Variants in PREPL observed in about 807,000 individuals in gnomAD.
The protein encoded by PREPL is prolyl endopeptidase like, also known as prolyl endopeptidase-like.
A neutral mutation model predicts 70.6 loss-of-function variants in PREPL; 77 were observed. The ratio of observed to expected loss-of-function variants is 1.09; its 90% confidence interval spans 0.91 to 1.32. PREPL has a LOEUF of 1.32. Among genes scored for constraint, PREPL ranks in the 40% most tolerant of loss-of-function variants. The pLI is 0.00. For missense variants in PREPL, 1,002 were observed against 778.2 expected, an observed-to-expected ratio of 1.29 and a Z score of -3.42; for synonymous variants, 315 against 264.8, an observed-to-expected ratio of 1.19 and a Z score of -1.84.
In PREPL at chr2:44,317,900, AAC is replaced by A. The variant is rs1391030317; in HGVS notation, c.*3454_*3455del. 5.3e-5 allele frequency: 12 copies of A among 226,408 alleles called. No homozygotes were observed. The highest frequency in any genetic ancestry group is 9.0e-5 in the Non-Finnish European group (10 of 110,718). The allele number at this position is 226,408 out of a possible 1,614,324, so 14.0% of individuals were successfully genotyped here. Reference sequence around the variant, plus strand: ...AAGATAAAACCACTCAGATAACAAAAACAGACATAAGAAACACTAACATAAAA... The same window carrying A: ...AAGATAAAACCACTCAGATAACAAAAAGACATAAGAAACACTAACATAAAA... On this transcript the variant is annotated 3_prime_UTR_variant, in exon 14 of 14. Coordinates refer to ENST00000409411, the MANE Select transcript of PREPL (RefSeq NM_001171613.2).
At chr2:44,321,601 C>T (rs1295113423) in intron 13 of PREPL, 156 bp from the exon 14 acceptor site, 1 of 1,482,446 alleles carries the variant, frequency 6.7e-7, no homozygotes, top group Non-Finnish European at 8.9e-7. Flanking sequence ...AGGCTTCCAA[C>T]AATTAAGATT....
chr2:44,338,111 A>G (rs560691154), intron 7 of PREPL, among the ~76,000 whole-genome samples: 2 of 152,312 alleles, frequency 1.3e-5, no homozygotes, highest in African/African-American at 4.8e-5. Context: ...ACTCAACTCT[A>G]CTTGTGAAGT....
At chr2:44,343,675 G>A (rs1241772067) in intron 4 of PREPL, 70 bp downstream of exon 4, 28 of 1,434,864 alleles carry the variant, frequency 2.0e-5, no homozygotes, top group Non-Finnish European at 2.4e-5. Flanking sequence ...CCTCACATGC[G>A]ACAAAAAAAT....
In PREPL at chr2:44,320,563, C is replaced by A; in HGVS notation, c.*793G>T. 1 of 1,614,040 alleles carries A rather than the reference C, an allele frequency of 6.2e-7. No homozygotes were observed. The stretch of plus-strand genomic sequence containing the variant: ...AAGAATCTCCTTCATCGCCAAACAG[C>A]TTTCAGAGATAGATGCTTTGTTTCC... On this transcript the variant is annotated 3_prime_UTR_variant, in exon 14 of 14. Coordinates refer to ENST00000409411, the MANE Select transcript of PREPL (RefSeq NM_001171613.2).
At chr2:44,344,661 GATGAA>G (rs1675590634) in intron 2 of PREPL, 75 bp from the exon 3 acceptor site, 9 of 1,140,414 alleles carry the variant, frequency 7.9e-6, no homozygotes, top group South Asian at 1.6e-5. Flanking sequence ...TCAAGATGAA[GATGAA>G]ATGAAGACTC....
intron 6 of PREPL, 139 bp from the exon 7 acceptor site, chr2:44,338,675 G>A: frequency 1.4e-6 from 1 of 727,188 alleles, no homozygotes; most frequent in Non-Finnish European, 2.2e-6. Flanking sequence ...CTGCATCAGG[G>A]ATAAAGTGTG....
chr2:44,332,561 A>G lies in PREPL; in HGVS notation c.984T>C (p.Tyr328=), dbSNP rs1674229116. 2 of 1,613,824 alleles carry G rather than the reference A, an allele frequency of 1.2e-6. No homozygotes were observed. Among genetic ancestry groups the G allele is most frequent in the Non-Finnish European group, 1.7e-6 (2 of 1,179,716 alleles). The change falls in exon 8 of 14, where the codon TAT becomes TAC. Residue 328 remains tyrosine, a synonymous_variant. Transcript: ENST00000409411. ...QLCSPIRPPK[Y]YTYKFAEGKL... Reference sequence around the variant, plus strand: ...TGCCTTCTGCAAACTTGTATGTGTAATATTTTGGGGGACGTATTGGAGAGC... The same window carrying G: ...TGCCTTCTGCAAACTTGTATGTGTAGTATTTTGGGGGACGTATTGGAGAGC...
rs569343170 is a variant in PREPL at position 44,329,213 on chromosome 2, G to A, written c.1087-101C>T. ...TGAGGTGCACTGTCCCCACTTGTGTGCTACCTACTGATGTTGAGCACAAAT... is the reference window on the plus strand; with the variant it reads ...TGAGGTGCACTGTCCCCACTTGTGTACTACCTACTGATGTTGAGCACAAAT... On this transcript the variant is annotated intron_variant, in intron 8 of 13. Coordinates refer to ENST00000409411, the MANE Select transcript of PREPL (RefSeq NM_001171613.2). 3.3e-6 allele frequency: 3 copies of A among 914,042 alleles called. No individual in the cohort carries two copies. The South Asian group carries it at 5.6e-5, about 17-fold the overall frequency. The allele number at this position is 914,042 out of a possible 1,614,324, so 56.6% of individuals were successfully genotyped here. A position where few individuals can be genotyped will look rare whatever the true frequency, so the allele number is the denominator to read the frequency against.
rs991789339 is a variant in PREPL at position 44,331,428 on chromosome 2, C to T, written c.1086+1031G>A. Among the ~76,000 whole-genome samples, 8 of 152,142 alleles carry T rather than the reference C, an allele frequency of 5.3e-5. No homozygotes were observed. The South Asian group carries it at 1.5e-3, about 28-fold the overall frequency. ...ATGGGGTTTCACCATATTGGCCAGG[C>T]TGGTCTCGACCTCGTGATCTGCCCG... On this transcript the variant is annotated intron_variant, in intron 8 of 13. Transcript: ENST00000409411.
At chr2:44,352,682 G>A (rs987251405) in intron 1 of PREPL, among the ~76,000 whole-genome samples, 1 of 152,006 alleles carries the variant, frequency 6.6e-6, no homozygotes, top group African/African-American at 2.4e-5. Context: ...ATGGTGCATA[G>A]CAGGTGTTCA....
intron 8 of PREPL, among the ~76,000 whole-genome samples, chr2:44,329,928 T>C (rs1673919548): frequency 1.3e-5 from 2 of 152,190 alleles, no homozygotes; most frequent in South Asian, 4.1e-4. Context: ...TAGCACCGTT[T>C]ACATAAAGAA....
Position 44,343,901 on chromosome 2 carries a change from C to T in PREPL, c.193G>A (p.Asp65Asn). ...CTGATACAATCAATGAAGGGCTGGT[C>T]TAACTTAAGTTCCTCCAAATTGAAT... ...VLFNLEELKL[D>N]QPFIDCIRVA... The change falls in exon 4 of 14, where the codon GAC (aspartate) becomes AAC (asparagine). Residue 65 changes from aspartate (D) to asparagine (N), a missense_variant. By Grantham distance (23) the Asp-to-Asn change is conservative. Transcript: ENST00000409411. 1 of 1,614,032 alleles carries T rather than the reference C, an allele frequency of 6.2e-7. No individual in the cohort carries two copies. Among genetic ancestry groups the T allele is most frequent in the East Asian group, 2.2e-5 (1 of 44,880 alleles).
In PREPL at chr2:44,326,796, G is replaced by C. The variant is rs1265200867; in HGVS notation, c.1395C>G (p.Thr465=). The change falls in exon 10 of 14, where the codon ACC becomes ACG. Residue 465 remains threonine, a synonymous_variant. Transcript: ENST00000409411. The stretch of plus-strand genomic sequence containing the variant: ...CCCCTCCAGCACTGAAAGCAGTCAG[G>C]GTTGTTAGACTTGGCTGAGAAAAGC... The part of the protein sequence containing the change: ...GQGFSQPSLT[T]LTAFSAGGVL... 3.7e-6 allele frequency: 6 copies of C among 1,614,130 alleles called. No homozygotes were observed. The highest frequency in any genetic ancestry group is 1.1e-5 in the South Asian group (1 of 91,080).
intron 1 of PREPL, among the ~76,000 whole-genome samples, chr2:44,351,310 T>G (rs1257888618): frequency 6.6e-6 from 1 of 151,984 alleles, no homozygotes; most frequent in African/African-American, 2.4e-5. Flanking sequence ...CTGCACTAAT[T>G]CCCTTGGTGA....
At position 44,328,951 on chromosome 2, in the gene PREPL, T is replaced by A; in HGVS notation, c.1248A>T (p.Ala416=). The change falls in exon 9 of 14, where the codon GCA becomes GCT. Residue 416 remains alanine, a synonymous_variant. Coordinates refer to ENST00000409411, the MANE Select transcript of PREPL (RefSeq NM_001171613.2). Reference sequence around the variant, plus strand: ...TACTGACTCACCGAACATGGCAGTATGCTAATATCCATCCATCATCCACCA... The same window carrying A: ...TACTGACTCACCGAACATGGCAGTAAGCTAATATCCATCCATCATCCACCA... ...RVLVDDGWIL[A]YCHVRGGGEL... is the part of the protein sequence containing the mutation. The A allele has an allele frequency of 6.2e-7, 1 of 1,613,126 alleles. No individual in the cohort carries two copies. The highest frequency in any genetic ancestry group is 1.1e-5 in the South Asian group (1 of 90,794).
rs113486879 is a variant in PREPL at position 44,353,649 on chromosome 2, A to G, written c.-48-7259T>C. ...AAGCTATAGTAATTAAATGTGTAGT[A>G]CTGGCATAACGACAGACATATACAA... On this transcript the variant is annotated intron_variant, in intron 1 of 13. Coordinates refer to ENST00000409411, the MANE Select transcript of PREPL (RefSeq NM_001171613.2). Among the ~76,000 whole-genome samples, 260 of 152,310 alleles carry G rather than the reference A, an allele frequency of 1.7e-3. No individual in the cohort carries two copies. In the Middle Eastern group the frequency reaches 0.027, roughly 16 times the overall value.
chr2:44,326,548 G>A lies in PREPL; in HGVS notation c.1479+164C>T, dbSNP rs186525062. ...AGACAGGGTCTCGCCATGTTGCCCA[G>A]GCTGGTCTCGAGCTCCTGGTAAGCA... is the stretch of plus-strand genomic sequence containing the variant. On this transcript the variant is annotated intron_variant, in intron 10 of 13. Coordinates refer to ENST00000409411, the MANE Select transcript of PREPL (RefSeq NM_001171613.2). Among the ~76,000 whole-genome samples, 203 of 151,214 alleles carry A rather than the reference G, an allele frequency of 1.3e-3. 2 individuals carry two copies. Among genetic ancestry groups the A allele is most frequent in the Non-Finnish European group, 8.1e-4 (55 of 67,854 alleles).
intron 4 of PREPL, 133 bp downstream of exon 4, chr2:44,343,612 G>T: frequency 1.4e-6 from 1 of 714,328 alleles, no homozygotes; most frequent in East Asian, 2.6e-5. Flanking sequence ...GAGGTACATA[G>T]GAAGATGTAT....
chr2:44,339,137 C>A lies in PREPL; in HGVS notation c.702+10G>T. 1.2e-6 allele frequency: 2 copies of A among 1,612,912 alleles called. No individual in the cohort carries two copies. The highest frequency in any genetic ancestry group is 1.7e-6 in the Non-Finnish European group (2 of 1,179,158). ...CAGCCCAAATAGGAACAACGAGCAT[C>A]CAGGATTACCTTAAATTCTGTAGGT... On this transcript the variant is annotated intron_variant, in intron 6 of 13. Transcript: ENST00000409411.
Sources: allele counts gnomAD v4.1 joint callset (sites outside exome capture counted in the v4.1 genomes callset), GRCh38; gene constraint gnomAD v4.1.1; transcripts MANE v1.5; gene names NCBI Gene and HGNC (gene_info 2026-07-23, HGNC 2026-07-21).